RMDN1: variants seen among roughly 807,000 people sequenced by gnomAD.
The protein encoded by RMDN1 is regulator of microtubule dynamics protein 1.
Under a neutral mutation model 48.9 loss-of-function variants are expected in RMDN1, and 48 were observed. The observed-to-expected ratio is 0.98, with a 90% CI of 0.78 to 1.25. RMDN1 has a LOEUF of 1.25. Ranked by LOEUF, RMDN1 falls within the 50% of genes most tolerant of loss-of-function variation. RMDN1 has a pLI of 0.00. For missense variants in RMDN1, 418 were observed against 373.4 expected, an observed-to-expected ratio of 1.12 and a Z score of -0.98; for synonymous variants, 148 against 132.6, an observed-to-expected ratio of 1.12 and a Z score of -0.80.
upstream of RMDN1, among the ~76,000 whole-genome samples, chr8:86,511,396 C>G (rs1262217547): frequency 3.3e-5 from 5 of 151,924 alleles, no homozygotes; most frequent in South Asian, 1.0e-3. Context: ...ATGGCGTGAA[C>G]CCAGGAAGTG....
chr8:86,474,578 A>G (rs1327479324), intron 9 of RMDN1: 2 of 707,062 alleles, frequency 2.8e-6, no homozygotes, highest in African/African-American at 3.5e-5. Flanking sequence ...TCGATCTGCC[A>G]TGTGTGTCAA....
Position 86,477,344 on chromosome 8 carries a change from C to T in RMDN1, c.730-20G>A. ...TAAGGCCTGTCAAAAACACAAAGAG[C>T]CCAAACATAATAAAAAAGATTAAAG... is the stretch of plus-strand genomic sequence containing the variant. On this transcript the variant is annotated intron_variant, in intron 7 of 9. Transcript: ENST00000406452. The T allele has an allele frequency of 6.3e-7, 1 of 1,579,396 alleles. No individual in the cohort carries two copies. The highest frequency in any genetic ancestry group is 1.4e-5 in the African/African-American group (1 of 73,880).
In RMDN1 at chr8:86,508,543, C is replaced by T. The variant is rs747975940; in HGVS notation, c.78G>A (p.Gly26=). 6.3e-7 allele frequency: 1 copy of T among 1,587,006 alleles called. No individual in the cohort carries two copies. Among genetic ancestry groups the T allele is most frequent in the East Asian group, 2.3e-5 (1 of 43,634 alleles). The change falls in exon 1 of 10, where the codon GGG becomes GGA. Residue 26 remains glycine (G), a synonymous_variant. Transcript: ENST00000406452. The stretch of plus-strand genomic sequence containing the variant: ...CGCAATGCCCGCGGCTGCCCGAAGT[C>T]CCCGCAGGGAGACGAGACCCCGGGG... ...GAAPGSRLPA[G]TSGSRGHCGP...
At chr8:86,504,069 C>T in intron 2 of RMDN1, 1 of 902,772 alleles carries the variant, frequency 1.1e-6, no homozygotes, top group Non-Finnish European at 1.9e-6. Flanking sequence ...GCATCATTGT[C>T]AGAATTCTGG....
At chr8:86,487,832 G>C (rs1417009896) in intron 3 of RMDN1, among the ~76,000 whole-genome samples, 1 of 152,086 alleles carries the variant, frequency 6.6e-6, no homozygotes, top group Non-Finnish European at 1.5e-5. Context: ...GAGAAGAAAA[G>C]ATCAATCCTG....
rs757347318 is a variant in RMDN1, at chr8:86,507,106, C to T, written c.136G>A (p.Gly46Arg). 7 of 1,588,832 alleles carry T rather than the reference C, an allele frequency of 4.4e-6. No homozygotes were observed. In the South Asian group the frequency reaches 5.5e-5, roughly 13 times the overall value. Reference protein sequence around the residue: ...PCRFRGFEVMGNPGTFKRGLL... With the variant: ...PCRFRGFEVMRNPGTFKRGLL... ...CCTCTTTTGAAAGTTCCTGGGTTTC[C>T]CATTACCTATGGAAACAATTATGTT... The change falls in exon 2 of 10, where the codon GGA (glycine) becomes AGA (arginine). Residue 46 changes from glycine (G) to arginine (R), a missense_variant. Physicochemically the swap from Gly to Arg is moderately radical, Grantham distance 125 (BLOSUM62 -2). Transcript: ENST00000406452.
intron 8 of RMDN1, among the ~76,000 whole-genome samples, chr8:86,476,836 C>T (rs1195916981): frequency 6.6e-6 from 1 of 152,188 alleles, no homozygotes; most frequent in Non-Finnish European, 1.5e-5. Context: ...GCTGGGACTA[C>T]AGGTGTGTGC....
At chr8:86,483,941 A>AT (rs1815014153) in intron 5 of RMDN1, among the ~76,000 whole-genome samples, 1 of 151,914 alleles carries the variant, frequency 6.6e-6, no homozygotes, top group Non-Finnish European at 1.5e-5. Context: ...AGGGGAAAAT[A>AT]TTTTTAATAA....
At position 86,474,858 on chromosome 8, in the gene RMDN1, C is replaced by G. The variant is rs1233718908; in HGVS notation, c.856G>C (p.Ala286Pro). The change falls in exon 9 of 10, where the codon GCC (alanine) becomes CCC (proline). Residue 286 changes from alanine to proline, a missense_variant. Coordinates refer to ENST00000406452, the MANE Select transcript of RMDN1 (RefSeq NM_016033.3). ...KKLAAFWLMK[A>P]KDYPAHTEED... The stretch of plus-strand genomic sequence containing the variant: ...TCTGTGTGTGCTGGATAGTCCTTGG[C>G]TTTCATTAGCCAGAAAGCAGCAAGC... 1.9e-6 allele frequency: 3 copies of G among 1,612,842 alleles called. No individual in the cohort carries two copies. Among genetic ancestry groups the G allele is most frequent in the Non-Finnish European group, 2.5e-6 (3 of 1,179,654 alleles).
At chr8:86,477,369 GA>G in intron 7 of RMDN1, 45 bp from the exon 8 acceptor site, 1 of 1,474,010 alleles carries the variant, frequency 6.8e-7, no homozygotes, top group Non-Finnish European at 9.3e-7. Context: ...AAAGATTAAA[GA>G]AGACAATATT....
chr8:86,507,277 C>A (rs756626863), intron 1 of RMDN1, among the ~76,000 whole-genome samples, 165 bp from the exon 2 acceptor site: 1 of 152,130 alleles, frequency 6.6e-6, no homozygotes, highest in African/African-American at 2.4e-5. Flanking sequence ...TATCTCAAAG[C>A]GTATCTTATT....
intron 2 of RMDN1, among the ~76,000 whole-genome samples, chr8:86,505,772 A>G (rs1453111231): frequency 6.6e-6 from 1 of 152,160 alleles, no homozygotes; most frequent in Non-Finnish European, 1.5e-5. Flanking sequence ...CAATATGAAG[A>G]ATTTAGGGAG....
chr8:86,480,674 A>G (rs1489107765), intron 5 of RMDN1, among the ~76,000 whole-genome samples: 1 of 152,130 alleles, frequency 6.6e-6, no homozygotes, highest in Non-Finnish European at 1.5e-5. Flanking sequence ...TAAAGGAAAA[A>G]TGGATAAGGA....
chr8:86,474,544 CTT>C lies in RMDN1; in HGVS notation c.895-188_895-187del, dbSNP rs1244887502. The C allele has an allele frequency of 7.2e-6, 5 of 694,608 alleles. No individual in the cohort carries two copies. In the Admixed American group the frequency reaches 1.1e-4, roughly 16 times the overall value. The allele number at this position is 694,608 out of a possible 1,614,324, so 43.0% of individuals were successfully genotyped here. On this transcript the variant is annotated intron_variant, in intron 9 of 9. Coordinates refer to ENST00000406452, the MANE Select transcript of RMDN1 (RefSeq NM_016033.3). ...TTCCACTTTAGTACACATCCCATGA[CTT>C]TTATGTTTTAGAAATGTTAACTCGA...
rs1239673539 is a variant in RMDN1 at position 86,486,566 on chromosome 8, T to C, written c.413A>G (p.Glu138Gly). Residue 138 changes from glutamate (E) to glycine (G), a missense_variant, in exon 4 of 10, where the codon GAG becomes GGG. Transcript: ENST00000406452. The part of the protein sequence containing the change: ...VAQLSRTSEE[E>G]KKLLVYEALE... ...GGCTTCATACACCAATAGCTTTTTC[T>C]CCTCTTCTGAGGTTCTGCTAAGCTG... 6.2e-7 allele frequency: 1 copy of C among 1,612,984 alleles called. No individual in the cohort carries two copies. The highest frequency in any genetic ancestry group is 8.5e-7 in the Non-Finnish European group (1 of 1,179,224).
downstream of RMDN1, chr8:86,468,538 TGG>T: frequency 9.7e-6 from 4 of 412,418 alleles, no homozygotes; most frequent in African/African-American, 2.1e-5. Context: ...GAATTACAAA[TGG>T]TACCACTGCT....
rs940769923 is a variant in RMDN1, at chr8:86,484,958, A to T, written c.499T>A (p.Tyr167Asn). 4 of 1,572,870 alleles carry T rather than the reference A, an allele frequency of 2.5e-6. No individual in the cohort carries two copies. In the African/African-American group the frequency reaches 4.1e-5, roughly 16 times the overall value. The change falls in exon 5 of 10, where the codon TAT becomes AAT. Residue 167 changes from tyrosine to asparagine, a missense_variant. By Grantham distance (143) the Tyr-to-Asn change is moderately radical. Coordinates refer to ENST00000406452, the MANE Select transcript of RMDN1 (RefSeq NM_016033.3). ...NESSFASHKWYAICLSDVGDY... is the reference protein window; with the variant it reads ...NESSFASHKWNAICLSDVGDY... ...CCAACATCACTAAGGCAGATTGCAT[A>T]CCACTGAAAATTTAAAAAAGTGTAA...
intron 2 of RMDN1, chr8:86,505,493 T>G (rs1316064450): frequency 2.5e-6 from 1 of 399,144 alleles, no homozygotes; most frequent in Non-Finnish European, 5.3e-6. Flanking sequence ...AAGAGCACCT[T>G]CCTCACTTCC....
At chr8:86,485,501 G>A (rs755006046) in intron 4 of RMDN1, among the ~76,000 whole-genome samples, 5 of 152,140 alleles carry the variant, frequency 3.3e-5, no homozygotes, top group Non-Finnish European at 7.4e-5. Context: ...GGTAGAAAGT[G>A]GTGAATTTTC....
Sources: gnomAD v4.1 joint callset for allele counts (sites outside exome capture counted in the v4.1 genomes callset) on GRCh38, gnomAD v4.1.1 for gene constraint, MANE v1.5 for transcripts, NCBI Gene and HGNC (gene_info 2026-07-23, HGNC 2026-07-21) for gene names.